Variants in GALNTL6 observed in about 807,000 individuals in gnomAD.
GALNTL6 encodes polypeptide N-acetylgalactosaminyltransferase-like 6.
A neutral mutation model predicts 73.7 loss-of-function variants in GALNTL6; 46 were observed. The observed-to-expected ratio is 0.62, with a 90% CI of 0.49 to 0.80. The LOEUF (loss-of-function observed/expected upper bound fraction) is 0.80. Among genes scored for constraint, GALNTL6 ranks in the 30% least tolerant of loss-of-function variants. The pLI, the probability that GALNTL6 is intolerant of heterozygous loss-of-function variation, is 0.00. For synonymous variants in GALNTL6, 259 were observed against 263.7 expected, an observed-to-expected ratio of 0.98 and a Z score of 0.17; for missense variants, 604 against 755.0, an observed-to-expected ratio of 0.80 and a Z score of 2.34.
At chr4:172,169,940 A>G (rs915139396) in intron 2 of GALNTL6, among the ~76,000 whole-genome samples, 1 of 152,228 alleles carries the variant, frequency 6.6e-6, no homozygotes, top group Non-Finnish European at 1.5e-5. Context: ...ACAACTCTTT[A>G]TTCTATTGTC....
chr4:171,982,035 G>A (rs1379065002), intron 2 of GALNTL6, among the ~76,000 whole-genome samples: 1 of 152,026 alleles, frequency 6.6e-6, no homozygotes, highest in Admixed American at 6.6e-5. Context: ...AGTCTATTAA[G>A]GAGTGAAAAC....
At chr4:172,621,126 T>C (rs1738935139) in intron 5 of GALNTL6, among the ~76,000 whole-genome samples, 1 of 152,198 alleles carries the variant, frequency 6.6e-6, no homozygotes, top group Admixed American at 6.5e-5. Context: ...AGACTTGGGA[T>C]AGGAGAAATG....
intron 5 of GALNTL6, among the ~76,000 whole-genome samples, chr4:172,502,895 A>C (rs1349781162): frequency 1.3e-5 from 2 of 152,212 alleles, no homozygotes; most frequent in Non-Finnish European, 2.9e-5. Flanking sequence ...TCCAGGCCCA[A>C]GATTAATCTT....
chr4:172,718,805 T>A (rs574247052), intron 5 of GALNTL6, among the ~76,000 whole-genome samples: 1 of 152,110 alleles, frequency 6.6e-6, no homozygotes, highest in Non-Finnish European at 1.5e-5. Flanking sequence ...TTTTTTAAAA[T>A]CAACTTTTAA....
intron 10 of GALNTL6, among the ~76,000 whole-genome samples, chr4:172,968,708 C>T (rs997036019): frequency 6.6e-6 from 1 of 152,084 alleles, no homozygotes; most frequent in Non-Finnish European, 1.5e-5. Context: ...CTAGACAACA[C>T]AGAGTTAGAG....
At chr4:172,786,088 G>A (rs1739637418) in intron 5 of GALNTL6, among the ~76,000 whole-genome samples, 1 of 151,670 alleles carries the variant, frequency 6.6e-6, no homozygotes, top group Non-Finnish European at 1.5e-5. Flanking sequence ...GAAGAAAAAG[G>A]CAATGACTCC....
intron 12 of GALNTL6, among the ~76,000 whole-genome samples, chr4:173,030,074 T>C (rs189657873): frequency 6.6e-6 from 1 of 152,168 alleles, no homozygotes; most frequent in Admixed American, 6.6e-5. Context: ...AAAACAAAAT[T>C]GGACTCTTCA....
At chr4:172,754,223 G>A (rs532239335) in intron 5 of GALNTL6, among the ~76,000 whole-genome samples, 1 of 152,060 alleles carries the variant, frequency 6.6e-6, no homozygotes, top group African/African-American at 2.4e-5. Context: ...TTCTATTAAT[G>A]TAAGTAGTAT....
At chr4:172,867,494 G>A (rs906989066) in intron 7 of GALNTL6, among the ~76,000 whole-genome samples, 30 of 152,174 alleles carry the variant, frequency 2.0e-4, no homozygotes, top group African/African-American at 7.2e-4. Context: ...AAAAATGAGA[G>A]AGGAAAATAG....
chr4:172,264,354 C>A (rs999808327), intron 3 of GALNTL6, among the ~76,000 whole-genome samples: 8 of 150,836 alleles, frequency 5.3e-5, no homozygotes, highest in Non-Finnish European at 1.0e-4. Context: ...CCCAACCACC[C>A]TAACAATAAC....
At chr4:172,114,783 C>T (rs903600709) in intron 2 of GALNTL6, among the ~76,000 whole-genome samples, 4 of 151,952 alleles carry the variant, frequency 2.6e-5, no homozygotes, top group African/African-American at 7.2e-5. Context: ...TATTATACAA[C>T]GAGTATAAAA....
intron 5 of GALNTL6, among the ~76,000 whole-genome samples, chr4:172,486,999 A>T (rs1238859607): frequency 1.3e-5 from 2 of 152,210 alleles, no homozygotes; most frequent in Non-Finnish European, 2.9e-5. Context: ...TAAATTATAA[A>T]ATTTGTACAA....
Position 172,375,875 on chromosome 4 carries a change from T to C in GALNTL6, c.553+27186T>C, listed in dbSNP as rs140618134. ...CCTGTTAGTATTGGGACTTTACCCG[T>C]GTCCTATAAAGATGTTATGCCCCAA... On this transcript the variant is annotated intron_variant, in intron 5 of 12. Transcript: ENST00000506823. Among the ~76,000 whole-genome samples the C allele has an allele frequency of 4.7e-3, 714 of 152,298 alleles. 7 individuals carry two copies. The highest frequency in any genetic ancestry group is 0.016 in the African/African-American group (647 of 41,548).
rs897400387 is a variant in GALNTL6, at chr4:171,978,533, C to T, written c.138+163815C>T. Among the ~76,000 whole-genome samples the T allele has an allele frequency of 2.6e-5, 4 of 152,264 alleles. No homozygotes were observed. The East Asian group carries it at 7.7e-4, about 29-fold the overall frequency. On this transcript the variant is annotated intron_variant, in intron 2 of 12. Transcript: ENST00000506823. ...ACATGAGGGGCTAATTATGGTAGTT[C>T]AGCTGTGTGTCCAAGAGAAAGAAAC...
intron 2 of GALNTL6, among the ~76,000 whole-genome samples, chr4:172,043,172 A>G (rs1008572375): frequency 5.3e-5 from 8 of 152,020 alleles, no homozygotes; most frequent in African/African-American, 1.7e-4. Flanking sequence ...GCTTTTGTAC[A>G]ATCATTTCTT....
intron 5 of GALNTL6, among the ~76,000 whole-genome samples, chr4:172,463,302 T>TA (rs975494387): frequency 5.0e-5 from 7 of 138,964 alleles, no homozygotes; most frequent in Non-Finnish European, 9.4e-5. Flanking sequence ...AGGATGACAC[T>TA]AAAAAAATCA....
intron 2 of GALNTL6, among the ~76,000 whole-genome samples, chr4:172,042,047 G>A (rs1051010870): frequency 6.6e-6 from 1 of 151,882 alleles, no homozygotes; most frequent in Non-Finnish European, 1.5e-5. Flanking sequence ...GAAAGCAAGG[G>A]GTATTCAGCC....
At chr4:172,270,413 G>A (rs1238726566) in intron 3 of GALNTL6, among the ~76,000 whole-genome samples, 1 of 152,148 alleles carries the variant, frequency 6.6e-6, no homozygotes, top group Non-Finnish European at 1.5e-5. Context: ...TCATAAAGCA[G>A]ATTGGTTTTT....
chr4:172,481,478 A>T (rs1733470537), intron 5 of GALNTL6, among the ~76,000 whole-genome samples: 1 of 149,928 alleles, frequency 6.7e-6, no homozygotes, highest in Non-Finnish European at 1.5e-5. Context: ...GACCCCACCC[A>T]CATCCTGCTG....
Sources: gnomAD v4.1 joint callset for allele counts (sites outside exome capture counted in the v4.1 genomes callset) on GRCh38, gnomAD v4.1.1 for gene constraint, MANE v1.5 for transcripts, NCBI Gene and HGNC (gene_info 2026-07-23, HGNC 2026-07-21) for gene names.